MSRA: variants seen among roughly 807,000 people sequenced by gnomAD.
MSRA encodes the protein methionine sulfoxide reductase A.
A neutral mutation model predicts 31.3 loss-of-function variants in MSRA; 54 were observed. The ratio of observed to expected loss-of-function variants is 1.73; its 90% confidence interval spans 1.39 to 2.17. The LOEUF is 2.17. Among genes scored for constraint, MSRA ranks in the 30% most tolerant of loss-of-function variants. MSRA has a pLI of 0.00. For missense variants in MSRA, 507 were observed against 300.9 expected (o/e 1.69, Z -5.07); for synonymous variants, 169 against 116.5 (o/e 1.45, Z -2.90).
chr8:10,397,680 G>A (rs1035936221), intron 5 of MSRA, among the ~76,000 whole-genome samples: 5 of 152,188 alleles, frequency 3.3e-5, no homozygotes, highest in East Asian at 1.9e-4. Flanking sequence ...AAATCATTTC[G>A]TCTTCTACCT....
intron 2 of MSRA, among the ~76,000 whole-genome samples, chr8:10,228,052 G>A (rs1050257230): frequency 6.6e-6 from 1 of 152,188 alleles, no homozygotes; most frequent in Non-Finnish European, 1.5e-5. Flanking sequence ...TAGCTGACCA[G>A]AAGAGACTTA....
chr8:10,124,085 G>C (rs946059080), intron 1 of MSRA, among the ~76,000 whole-genome samples: 2 of 152,052 alleles, frequency 1.3e-5, no homozygotes, highest in African/African-American at 2.4e-5. Flanking sequence ...TGGGGCTGCA[G>C]CCTTGGGTGG....
chr8:10,220,867 G>A lies in MSRA; in HGVS notation c.211+12966G>A, dbSNP rs150852290. ...TTCATCTTACAAGGACATTAAGGGAGGAGGACTGGGGAGGGTCGTCTGGGG... is the reference window on the plus strand; with the variant it reads ...TTCATCTTACAAGGACATTAAGGGAAGAGGACTGGGGAGGGTCGTCTGGGG... On this transcript the variant is annotated intron_variant, in intron 2 of 5. Transcript: ENST00000317173. 9.2e-5 allele frequency among the ~76,000 whole-genome samples: 14 copies of A among 152,344 alleles called. No homozygotes were observed. The East Asian group carries it at 2.7e-3, about 29-fold the overall frequency.
chr8:10,075,392 A>G (rs1797951581), intron 1 of MSRA, among the ~76,000 whole-genome samples: 1 of 152,236 alleles, frequency 6.6e-6, no homozygotes, highest in Admixed American at 6.5e-5. Flanking sequence ...TTTACCTTCT[A>G]GCACAAACAT....
intron 3 of MSRA, among the ~76,000 whole-genome samples, chr8:10,254,261 C>G (rs1161666940): frequency 6.6e-6 from 1 of 152,198 alleles, no homozygotes; most frequent in African/African-American, 2.4e-5. Context: ...CTACCCACAA[C>G]GTGTTTTGAA....
intron 3 of MSRA, among the ~76,000 whole-genome samples, chr8:10,263,160 T>C (rs1798568244): frequency 6.6e-6 from 1 of 152,232 alleles, no homozygotes; most frequent in Admixed American, 6.5e-5. Flanking sequence ...AGCATTAGGT[T>C]GGGTGTTTCT....
At chr8:10,416,321 C>G (rs1808455564) in intron 5 of MSRA, among the ~76,000 whole-genome samples, 1 of 152,236 alleles carries the variant, frequency 6.6e-6, no homozygotes, top group African/African-American at 2.4e-5. Flanking sequence ...ACAGAGAAAT[C>G]TGCTCGCTTC....
At chr8:10,206,185 T>A (rs955269407) in intron 1 of MSRA, among the ~76,000 whole-genome samples, 2 of 152,130 alleles carry the variant, frequency 1.3e-5, no homozygotes, top group African/African-American at 4.8e-5. Flanking sequence ...AAAGGGCAGA[T>A]CTTTGATCTC....
intron 5 of MSRA, among the ~76,000 whole-genome samples, chr8:10,418,883 G>C (rs1808643218): frequency 7.1e-6 from 1 of 140,430 alleles, no homozygotes. Context: ...ACTTGAGCCT[G>C]AGAGGTCAAA....
intron 5 of MSRA, among the ~76,000 whole-genome samples, chr8:10,342,612 G>A (rs768716839): frequency 4.6e-5 from 7 of 152,228 alleles, no homozygotes; most frequent in Admixed American, 1.3e-4. Flanking sequence ...ATCTGAGGCC[G>A]TTGTATCACT....
chr8:10,136,607 C>G (rs187499134), intron 1 of MSRA, among the ~76,000 whole-genome samples: 4 of 152,044 alleles, frequency 2.6e-5, no homozygotes, highest in African/African-American at 9.6e-5. Flanking sequence ...TGTAGCATAT[C>G]TCTTTTGACA....
chr8:10,244,889 G>A (rs1355694942), intron 2 of MSRA, among the ~76,000 whole-genome samples: 1 of 152,098 alleles, frequency 6.6e-6, no homozygotes, highest in Non-Finnish European at 1.5e-5. Context: ...CACAGCTAAA[G>A]CAAAGAGATA....
intron 1 of MSRA, among the ~76,000 whole-genome samples, chr8:10,136,148 T>G (rs1171823389): frequency 2.0e-5 from 3 of 152,152 alleles, no homozygotes; most frequent in Admixed American, 1.3e-4. Flanking sequence ...AGAAGTCAAC[T>G]AAGTGATAAG....
chr8:10,128,572 T>C (rs971311993), intron 1 of MSRA, among the ~76,000 whole-genome samples: 7 of 152,112 alleles, frequency 4.6e-5, no homozygotes, highest in Non-Finnish European at 1.0e-4. Context: ...GGCTCACTAG[T>C]AGCCCAGCCT....
chr8:10,212,253 C>T (rs960905754), intron 2 of MSRA, among the ~76,000 whole-genome samples: 5 of 151,810 alleles, frequency 3.3e-5, no homozygotes, highest in African/African-American at 7.3e-5. Context: ...AGGATACATT[C>T]GAGAGTAAAA....
At chr8:10,057,270 A>G (rs1325936472) in intron 1 of MSRA, among the ~76,000 whole-genome samples, 1 of 152,136 alleles carries the variant, frequency 6.6e-6, no homozygotes, top group Non-Finnish European at 1.5e-5. Flanking sequence ...GCACACGGCA[A>G]TGTGTCTTGC....
chr8:10,268,974 A>G (rs1798886969), intron 3 of MSRA, among the ~76,000 whole-genome samples: 1 of 152,208 alleles, frequency 6.6e-6, no homozygotes, highest in South Asian at 2.1e-4. Flanking sequence ...TTGGAACACA[A>G]TGACTACAGA....
At position 10,376,743 on chromosome 8, in the gene MSRA, A is replaced by G. The variant is rs139302136; in HGVS notation, c.544-51405A>G. Among the ~76,000 whole-genome samples, 27 of 152,334 alleles carry G rather than the reference A, an allele frequency of 1.8e-4. No homozygotes were observed. In the East Asian group the frequency reaches 5.2e-3, roughly 29 times the overall value. On this transcript the variant is annotated intron_variant, in intron 5 of 5. Coordinates refer to ENST00000317173, the MANE Select transcript of MSRA (RefSeq NM_012331.5). ...AGAACTACCAGTGTTCGGTGACCAC[A>G]TGCAGTGAACTGAGATATGCTAGGT... is the stretch of plus-strand genomic sequence containing the variant.
intron 5 of MSRA, among the ~76,000 whole-genome samples, chr8:10,425,071 C>T (rs1390435889): frequency 7.2e-5 from 11 of 152,234 alleles, no homozygotes; most frequent in African/African-American, 2.6e-4. Context: ...TAGATGTGAC[C>T]TTCCGTGGTC....
Sources: allele counts gnomAD v4.1 joint callset (sites outside exome capture counted in the v4.1 genomes callset), GRCh38; gene constraint gnomAD v4.1.1; transcripts MANE v1.5; gene names NCBI Gene and HGNC (gene_info 2026-07-23, HGNC 2026-07-21).